Variants in CPAMD8 observed in about 807,000 individuals in gnomAD.
The protein encoded by CPAMD8 is C3 and PZP like alpha-2-macroglobulin domain containing 8, also known as C3 and PZP-like alpha-2-macroglobulin domain-containing protein 8.
In CPAMD8, 146 loss-of-function variants were observed where a neutral mutation model predicts 224.7. The ratio of observed to expected loss-of-function variants is 0.65; its 90% CI spans 0.57 to 0.75. The LOEUF (loss-of-function observed/expected upper bound fraction) is 0.75, where lower values mean the gene tolerates loss of function less well. CPAMD8 is among the 30% of genes least tolerant of loss of function. The pLI is 0.00. For missense variants in CPAMD8, 2,301 were observed against 2,537.5 expected (o/e 0.91, Z 2.00); for synonymous variants, 966 against 1,044.6 (o/e 0.92, Z 1.45).
rs1359575704 is a variant in CPAMD8 at position 16,904,252 on chromosome 19, C to T, written c.4225G>A (p.Ala1409Thr). Reference protein sequence around the residue: ...VVKWLSQQRNALGGFSSTQDT... With the variant: ...VVKWLSQQRNTLGGFSSTQDT... ...TGAGTGGAGGAGAAGCCCCCAAGTG[C>T]ATTTCGCTGCTGGGACAGCCACTTC... is the stretch of plus-strand genomic sequence containing the variant. Residue 1409 changes from alanine to threonine, a missense_variant, in exon 32 of 42, where the codon GCA (alanine) becomes ACA (threonine). Physicochemically the swap from Ala to Thr is moderately conservative, Grantham distance 58 (BLOSUM62 0). Coordinates refer to ENST00000443236, the MANE Select transcript of CPAMD8 (RefSeq NM_015692.5). 1.3e-6 allele frequency: 2 copies of T among 1,594,176 alleles called. No homozygotes were observed. Among genetic ancestry groups the T allele is most frequent in the African/African-American group, 1.4e-5 (1 of 73,630 alleles).
chr19:16,948,890 AGG>A (rs2054202461), intron 20 of CPAMD8, among the ~76,000 whole-genome samples: 4 of 81,340 alleles, frequency 4.9e-5, no homozygotes, highest in Non-Finnish European at 9.3e-5. Flanking sequence ...AGGGAAGGGA[AGG>A]GAAGGGAAGG....
intron 17 of CPAMD8, among the ~76,000 whole-genome samples, chr19:16,971,455 G>A (rs1428627849): frequency 1.3e-5 from 2 of 152,104 alleles, no homozygotes; most frequent in Non-Finnish European, 2.9e-5. Flanking sequence ...CAGCACATTT[G>A]AACTGTGCAA....
At chr19:16,905,268 T>TA (rs2052424660) in intron 30 of CPAMD8, among the ~76,000 whole-genome samples, 1 of 147,986 alleles carries the variant, frequency 6.8e-6, no homozygotes, top group Admixed American at 6.8e-5. Flanking sequence ...AATACATAAA[T>TA]AAAAATAATA....
chr19:16,961,214 G>A (rs887259295), intron 18 of CPAMD8, among the ~76,000 whole-genome samples: 6 of 152,288 alleles, frequency 3.9e-5, no homozygotes, highest in South Asian at 2.1e-4. Context: ...GCGGGGTGTC[G>A]CCTTACCCGG....
chr19:17,009,143 G>A, intron 6 of CPAMD8, 160 bp downstream of exon 6: 3 of 1,152,206 alleles, frequency 2.6e-6, no homozygotes, highest in African/African-American at 1.5e-5. Flanking sequence ...CCATCCCAGG[G>A]CGGACCCAGG....
chr19:16,971,182 GTTTGT>G (rs892980580), intron 17 of CPAMD8, 149 bp from the exon 18 acceptor site: 24 of 659,524 alleles, frequency 3.6e-5, no homozygotes, highest in Middle Eastern at 3.6e-4. Flanking sequence ...GCTTTTTTGG[GTTTGT>G]TTTGTTTTGT....
Position 16,928,110 on chromosome 19 carries a change from C to T in CPAMD8, c.3269G>A (p.Trp1090Ter), listed in dbSNP as rs2053430161. 2 of 1,613,962 alleles carry T rather than the reference C, an allele frequency of 1.2e-6. No individual in the cohort carries two copies. The highest frequency in any genetic ancestry group is 1.7e-5 in the Admixed American group (1 of 60,008). Residue 1090 changes from tryptophan to a stop codon, truncating the protein, a stop_gained, in exon 25 of 42, where the codon TGG (tryptophan) becomes TAG (stop). Coordinates refer to ENST00000443236, the MANE Select transcript of CPAMD8 (RefSeq NM_015692.5). LOFTEE classifies it high-confidence loss of function. ...GWGSMGEFRI[W>*]RKMEVDESYS... ...GCTCTCGTCCACCTCCATCTTCCTC[C>T]AGATTCGGAATTCACCCATGGAGCC... is the stretch of plus-strand genomic sequence containing the variant.
At chr19:16,999,037 C>T (rs998258628) in intron 10 of CPAMD8, among the ~76,000 whole-genome samples, 4 of 152,142 alleles carry the variant, frequency 2.6e-5, no homozygotes, top group Admixed American at 6.6e-5. Flanking sequence ...ACGATGTAGA[C>T]AAACATCAAA....
At position 16,982,733 on chromosome 19, in the gene CPAMD8, G is replaced by A. The variant is rs139994781; in HGVS notation, c.1396-2047C>T. On this transcript the variant is annotated intron_variant, in intron 13 of 41. Transcript: ENST00000443236. Reference sequence around the variant, plus strand: ...CAAGCCCATAGTCCCAGCTATCTAGGGGGGCTGAGGCAGGAGGATCACTTG... The same window carrying A: ...CAAGCCCATAGTCCCAGCTATCTAGAGGGGCTGAGGCAGGAGGATCACTTG... Among the ~76,000 whole-genome samples, 152 of 152,204 alleles carry A rather than the reference G, an allele frequency of 1.0e-3. 2 individuals are homozygous for A. In the East Asian group the frequency reaches 0.029, roughly 29 times the overall value.
At chr19:17,013,995 A>AGTCC (rs2123175815) in intron 3 of CPAMD8, among the ~76,000 whole-genome samples, 1 of 106,174 alleles carries the variant, frequency 9.4e-6, no homozygotes. Context: ...TACACTACAC[A>AGTCC]TTCCTTCCCT....
chr19:16,992,056 G>A (rs1056989493), intron 12 of CPAMD8, among the ~76,000 whole-genome samples: 7 of 152,088 alleles, frequency 4.6e-5, no homozygotes, highest in South Asian at 2.1e-4. Flanking sequence ...TCCCATCTAC[G>A]TATTTACTCT....
At chr19:16,910,546 G>C (rs543540145) in intron 29 of CPAMD8, 2 of 150,696 alleles carry the variant, frequency 1.3e-5, no homozygotes, top group East Asian at 3.9e-4. Flanking sequence ...TCATACGCAC[G>C]ATCTCCCTAC....
intron 19 of CPAMD8, among the ~76,000 whole-genome samples, chr19:16,957,154 C>A (rs2054498548): frequency 6.6e-6 from 1 of 152,140 alleles, no homozygotes. Flanking sequence ...CATACACATC[C>A]CCCAAAGCAG....
chr19:16,939,116 C>G (rs1038200084), intron 22 of CPAMD8, among the ~76,000 whole-genome samples: 4 of 152,136 alleles, frequency 2.6e-5, no homozygotes, highest in African/African-American at 7.2e-5. Context: ...AACCAGAAGG[C>G]CTGGCAGCCC....
intron 29 of CPAMD8, among the ~76,000 whole-genome samples, chr19:16,909,876 C>T (rs1257805292): frequency 6.6e-6 from 1 of 152,066 alleles, no homozygotes; most frequent in African/African-American, 2.4e-5. Context: ...GTTTTTAAAA[C>T]AATCTCATAC....
At position 16,980,561 on chromosome 19, in the gene CPAMD8, C is replaced by T; in HGVS notation, c.1521G>A (p.Gln507=). 1 of 1,614,028 alleles carries T rather than the reference C, an allele frequency of 6.2e-7. No homozygotes were observed. Among genetic ancestry groups the T allele is most frequent in the Non-Finnish European group, 8.5e-7 (1 of 1,179,966 alleles). Residue 507 remains glutamine (Q), a synonymous_variant, in exon 14 of 42, where the codon CAG becomes CAA. Transcript: ENST00000443236. ...GGGCAGGGGCCGCCCGCTTGCTTCG[C>T]TGCTGGGTGGTGTGGGCAGGCTGCT... ...SGQQPAHTTQ[Q]RSKRAAPALE...
intron 29 of CPAMD8, among the ~76,000 whole-genome samples, chr19:16,914,043 C>T (rs528842151): frequency 1.9e-3 from 282 of 152,216 alleles, no homozygotes; most frequent in African/African-American, 6.4e-3. Flanking sequence ...CAAAAACATG[C>T]ATGAGCCCAA....
In CPAMD8 at chr19:16,897,989, G is replaced by A. The variant is rs766493697; in HGVS notation, c.4854C>T (p.Pro1618=). 1 of 1,609,068 alleles carries A rather than the reference G, an allele frequency of 6.2e-7. No individual in the cohort carries two copies. The highest frequency in any genetic ancestry group is 8.5e-7 in the Non-Finnish European group (1 of 1,178,544). ...RRVLFYFDEI[P]SRCLTCVRFR... ...ACCGCACGCACGTCAGGCACCGGCTGGGGATCTGTGGGGCAGCGGCGGGCG... is the reference window on the plus strand; with the variant it reads ...ACCGCACGCACGTCAGGCACCGGCTAGGGATCTGTGGGGCAGCGGCGGGCG... Residue 1618 remains proline (P), a synonymous_variant, in exon 38 of 42, where the codon CCC becomes CCT. Transcript: ENST00000443236.
intron 11 of CPAMD8, among the ~76,000 whole-genome samples, chr19:16,995,273 G>A (rs902529111): frequency 6.6e-6 from 1 of 152,236 alleles, no homozygotes; most frequent in Non-Finnish European, 1.5e-5. Context: ...AGGGAACTGG[G>A]TGCAGACAGA....
Sources: allele counts gnomAD v4.1 joint callset (sites outside exome capture counted in the v4.1 genomes callset), GRCh38; gene constraint gnomAD v4.1.1; transcripts MANE v1.5; gene names NCBI Gene and HGNC (gene_info 2026-07-23, HGNC 2026-07-21).